The following HDAC2 variants were observed in gnomAD, a reference collection of about 807,000 sequenced individuals.
HDAC2 encodes the protein YY1-associated factor 1.
A neutral mutation model predicts 68.5 loss-of-function variants in HDAC2; 5 were observed. The observed-to-expected ratio is 0.07, with a 90% CI of 0.04 to 0.15. HDAC2 has a LOEUF of 0.15. Among genes scored for constraint, HDAC2 ranks in the 10% least tolerant of loss-of-function variants. HDAC2 has a pLI of 1.00. For missense variants in HDAC2, 291 were observed against 600.8 expected, an observed-to-expected ratio of 0.48 and a Z score of 5.39; for synonymous variants, 182 against 191.3, an observed-to-expected ratio of 0.95 and a Z score of 0.40.
intron 1 of HDAC2, among the ~76,000 whole-genome samples, chr6:113,966,330 AC>A (rs1484511285): frequency 6.6e-6 from 1 of 152,068 alleles, no homozygotes; most frequent in Non-Finnish European, 1.5e-5. Context: ...TGGGTGGATC[AC>A]CCCAGGTCAG....
In HDAC2 at chr6:113,971,129, C is replaced by A. The variant is rs971590622; in HGVS notation, c.-221G>T. The A allele has an allele frequency of 1.3e-6, 2 of 1,539,422 alleles. No homozygotes were observed. The highest frequency in any genetic ancestry group is 1.8e-6 in the Non-Finnish European group (2 of 1,140,712). ...AGCTCGGAATCGGAGGTGGCAGCGG[C>A]ACCAACTCGCGAGGAGGGGGCCACC... On this transcript the variant is annotated 5_prime_UTR_variant, in exon 1 of 14. Transcript: ENST00000519065.
At chr6:113,955,486 C>G (rs1181088232) in intron 5 of HDAC2, among the ~76,000 whole-genome samples, 3 of 152,196 alleles carry the variant, frequency 2.0e-5, no homozygotes, top group African/African-American at 7.2e-5. Context: ...GCTGGGATTA[C>G]AGGCATGAGC....
chr6:113,970,435 G>A, intron 1 of HDAC2: 7 of 1,028,652 alleles, frequency 6.8e-6, no homozygotes, highest in Non-Finnish European at 8.1e-6. Flanking sequence ...TGCCTCGCGG[G>A]GGACGGGTCG....
At chr6:113,952,277 C>G (rs1312416103) in intron 6 of HDAC2, among the ~76,000 whole-genome samples, 1 of 152,160 alleles carries the variant, frequency 6.6e-6, no homozygotes, top group Non-Finnish European at 1.5e-5. Context: ...ATTGAAATTA[C>G]AAATCTGCAA....
chr6:113,963,807 TTTAA>T (rs1478345944), intron 1 of HDAC2, among the ~76,000 whole-genome samples: 1 of 152,176 alleles, frequency 6.6e-6, no homozygotes, highest in African/African-American at 2.4e-5. Context: ...CACAACAAAC[TTTAA>T]TTGTCAATGC....
intron 6 of HDAC2, among the ~76,000 whole-genome samples, chr6:113,949,484 C>T (rs913112508): frequency 2.6e-5 from 4 of 151,666 alleles, no homozygotes; most frequent in African/African-American, 9.7e-5. Context: ...ATACAAGAAC[C>T]ATTTTCAATT....
chr6:113,953,327 C>T lies in HDAC2; in HGVS notation c.589G>A (p.Val197Ile). ...AFYTTDRVMT[V>I]SFHKYGEYFP... ...TATTCCCCATATTTATGGAATGATA[C>T]CGTCATTACACGATCTGTTGTATAA... The change falls in exon 6 of 14, where the codon GTA (valine) becomes ATA (isoleucine). Residue 197 changes from valine to isoleucine, a missense_variant. By Grantham distance (29) the Val-to-Ile change is conservative. Transcript: ENST00000519065. 1 of 1,604,716 alleles carries T rather than the reference C, an allele frequency of 6.2e-7. No individual in the cohort carries two copies. Among genetic ancestry groups the T allele is most frequent in the Non-Finnish European group, 8.5e-7 (1 of 1,171,754 alleles).
intron 9 of HDAC2, 92 bp downstream of exon 9, chr6:113,945,916 G>T: frequency 1.0e-6 from 1 of 966,250 alleles, no homozygotes; most frequent in Non-Finnish European, 1.6e-6. Flanking sequence ...TTCAACTTAT[G>T]ATGGGTTTAT....
intron 8 of HDAC2, 113 bp downstream of exon 8, chr6:113,948,866 G>C: frequency 9.0e-7 from 1 of 1,109,350 alleles, no homozygotes; most frequent in Non-Finnish European, 1.3e-6. Flanking sequence ...GAAAAATGCA[G>C]AGTACAGTGT....
chr6:113,969,032 C>G (rs1776906628), intron 1 of HDAC2, among the ~76,000 whole-genome samples: 2 of 152,208 alleles, frequency 1.3e-5, no homozygotes, highest in African/African-American at 4.8e-5. Context: ...AAGGATAAAT[C>G]TCTAAACTTT....
At position 113,939,805 on chromosome 6, in the gene HDAC2, G is replaced by A. The variant is rs1164561439; in HGVS notation, c.*1253C>T. The A allele has an allele frequency of 6.6e-6, 1 of 152,136 alleles. No homozygotes were observed. The highest frequency in any genetic ancestry group is 2.4e-5 in the African/African-American group (1 of 41,424). The allele number at this position is 152,136 out of a possible 1,614,324, so 9.4% of individuals were successfully genotyped here. On this transcript the variant is annotated 3_prime_UTR_variant, in exon 14 of 14. Coordinates refer to ENST00000519065, the MANE Select transcript of HDAC2 (RefSeq NM_001527.4). ...TAAAATATTTGTTAAGTCGGGGTGG[G>A]TGCACAGCTGTTCATTACAAAAGTC...
At chr6:113,942,431 T>TC (rs1776157596) in intron 12 of HDAC2, among the ~76,000 whole-genome samples, 3 of 61,156 alleles carry the variant, frequency 4.9e-5, no homozygotes, top group African/African-American at 1.9e-4. Context: ...ACTCTCTAGT[T>TC]TAAAAAAAAA....
intron 8 of HDAC2, chr6:113,947,922 T>TA (rs1776301337): frequency 6.6e-6 from 1 of 152,138 alleles, no homozygotes; most frequent in Non-Finnish European, 1.5e-5. Context: ...CTCCACATCT[T>TA]AGAGAATACA....
In HDAC2 at chr6:113,939,482, G is replaced by C. The variant is rs1446167210; in HGVS notation, c.*1576C>G. On this transcript the variant is annotated 3_prime_UTR_variant, in exon 14 of 14. Coordinates refer to ENST00000519065, the MANE Select transcript of HDAC2 (RefSeq NM_001527.4). ...ATAAAAAAAGCAAAGTTACAGAATT[G>C]TCCAAATACATACCATCTATGTTTC... 3 of 152,148 alleles carry C rather than the reference G, an allele frequency of 2.0e-5. No homozygotes were observed. Among genetic ancestry groups the C allele is most frequent in the Non-Finnish European group, 4.4e-5 (3 of 68,016 alleles). The allele number at this position is 152,148 out of a possible 1,614,324, so 9.4% of individuals were successfully genotyped here.
chr6:113,951,527 G>A (rs568715289), intron 6 of HDAC2, among the ~76,000 whole-genome samples: 5 of 149,762 alleles, frequency 3.3e-5, no homozygotes, highest in African/African-American at 9.9e-5. Flanking sequence ...GAGTGCAGTG[G>A]AGCGATCTCG....
intron 10 of HDAC2, among the ~76,000 whole-genome samples, chr6:113,944,985 T>G (rs1776234365): frequency 6.6e-6 from 1 of 152,088 alleles, no homozygotes; most frequent in South Asian, 2.1e-4. Context: ...TGAAAATAAC[T>G]TATAGTGCAC....
chr6:113,970,540 G>GCCA (rs1776966396), intron 1 of HDAC2: 16 of 1,087,714 alleles, frequency 1.5e-5, no homozygotes, highest in East Asian at 4.2e-5. Flanking sequence ...CTTCGCCGCC[G>GCCA]CCACCACCAA....
rs1311917765 is a variant in HDAC2, at chr6:113,944,420, A to C, written c.1092-10T>G. On this transcript the variant is annotated splice_polypyrimidine_tract_variant and intron_variant, in intron 10 of 13. Coordinates refer to ENST00000519065, the MANE Select transcript of HDAC2 (RefSeq NM_001527.4). ...TTCAAACAAACGCTGTCTAAATTAC[A>C]CATGCAAAGTTTATTAGACAAAATT... 1 of 1,609,476 alleles carries C rather than the reference A, an allele frequency of 6.2e-7. No individual in the cohort carries two copies. The highest frequency in any genetic ancestry group is 1.7e-5 in the Admixed American group (1 of 59,090).
chr6:113,957,928 T>C (rs1184683052), intron 3 of HDAC2, among the ~76,000 whole-genome samples: 1 of 152,184 alleles, frequency 6.6e-6, no homozygotes, highest in Non-Finnish European at 1.5e-5. Context: ...ATACTACATG[T>C]TCTAGTTACA....
Sources: allele counts gnomAD v4.1 joint callset (sites outside exome capture counted in the v4.1 genomes callset), GRCh38; gene constraint gnomAD v4.1.1; transcripts MANE v1.5; gene names NCBI Gene and HGNC (gene_info 2026-07-23, HGNC 2026-07-21).